Variants in SLC22A9 observed in about 807,000 individuals in gnomAD.
The protein encoded by SLC22A9 is solute carrier family 22 member 9.
In SLC22A9, 64 loss-of-function variants were observed where a neutral mutation model predicts 50.1. The ratio of observed to expected loss-of-function variants is 1.28; its 90% CI spans 1.04 to 1.57. The LOEUF is 1.57. SLC22A9 is among the 40% of genes most tolerant of loss of function. SLC22A9 has a pLI of 0.00. For missense variants in SLC22A9, 757 were observed against 676.1 expected, an observed-to-expected ratio of 1.12 and a Z score of -1.33; for synonymous variants, 261 against 242.5, an observed-to-expected ratio of 1.08 and a Z score of -0.71.
At position 63,395,605 on chromosome 11, in the gene SLC22A9, G is replaced by T. The variant is rs142727358; in HGVS notation, c.1074-10892G>T. Among the ~76,000 whole-genome samples, 11 of 152,292 alleles carry T rather than the reference G, an allele frequency of 7.2e-5. No homozygotes were observed. In the East Asian group the frequency reaches 1.3e-3, roughly 19 times the overall value. ...CTCTCGGCCATGGATACCAGCACCT[G>T]TTCTGGTGGAGGTGGCTAGTGGGTG... is the stretch of plus-strand genomic sequence containing the variant. On this transcript the variant is annotated intron_variant, in intron 6 of 9. Coordinates refer to ENST00000279178, the MANE Select transcript of SLC22A9 (RefSeq NM_080866.3).
At chr11:63,370,484 G>T in intron 1 of SLC22A9, 26 bp downstream of exon 1, 1 of 1,541,008 alleles carries the variant, frequency 6.5e-7, no homozygotes, top group East Asian at 2.3e-5. Flanking sequence ...CTCGTCTCAT[G>T]AGTATGTGAC....
Position 63,408,182 on chromosome 11 carries a change from T to C in SLC22A9, c.1359T>C (p.Ala453=), listed in dbSNP as rs748459865. 2 of 1,613,728 alleles carry C rather than the reference T, an allele frequency of 1.2e-6. No homozygotes were observed. The highest frequency in any genetic ancestry group is 3.3e-5 in the Admixed American group (2 of 59,934). Reference sequence around the variant, plus strand: ...CGTCTGCTCTTGCCAATACCCTTGCTTTTGCCCATGGAAATGAAGTAATTC... The same window carrying C: ...CGTCTGCTCTTGCCAATACCCTTGCCTTTGCCCATGGAAATGAAGTAATTC... ...LGASALANTL[A]FAHGNEVIPT... is the part of the protein sequence containing the mutation. The change falls in exon 8 of 10, where the codon GCT becomes GCC. Residue 453 remains alanine (A), a synonymous_variant. Coordinates refer to ENST00000279178, the MANE Select transcript of SLC22A9 (RefSeq NM_080866.3).
chr11:63,371,156 C>T lies in SLC22A9; in HGVS notation c.424C>T (p.Gln142Ter). The T allele has an allele frequency of 6.2e-7, 1 of 1,613,188 alleles. No individual in the cohort carries two copies. Among genetic ancestry groups the T allele is most frequent in the Non-Finnish European group, 8.5e-7 (1 of 1,179,398 alleles). ...VTEWDLVCDS[Q>*]SLTSVAKFVF... ...CCAGTGGGATCTGGTATGTGACTCT[C>T]AATCACTGACTTCAGTGGCTAAATT... is the stretch of plus-strand genomic sequence containing the variant. The change falls in exon 2 of 10, where the codon CAA (glutamine) becomes TAA (stop). Residue 142 changes from glutamine (Q) to a stop codon, truncating the protein, a stop_gained. Coordinates refer to ENST00000279178, the MANE Select transcript of SLC22A9 (RefSeq NM_080866.3). LOFTEE classifies it high-confidence loss of function.
Position 63,370,296 on chromosome 11 carries a change from C to A in SLC22A9, c.240C>A (p.Asp80Glu), listed in dbSNP as rs1425409892. 1 of 1,613,916 alleles carries A rather than the reference C, an allele frequency of 6.2e-7. No individual in the cohort carries two copies. The highest frequency in any genetic ancestry group is 1.3e-5 in the African/African-American group (1 of 74,914). Residue 80 changes from aspartate (D) to glutamate (E), a missense_variant, in exon 1 of 10, where the codon GAC (aspartate) becomes GAA (glutamate). Transcript: ENST00000279178. ...DALLRISIPLDSNMRPEKCRR... is the reference protein window; with the variant it reads ...DALLRISIPLESNMRPEKCRR... ...TCTTGAGAATCTCCATCCCACTGGA[C>A]TCAAACATGAGGCCAGAGAAGTGTC...
At chr11:63,399,494 A>G (rs1348607628) in intron 6 of SLC22A9, among the ~76,000 whole-genome samples, 2 of 152,210 alleles carry the variant, frequency 1.3e-5, no homozygotes, top group African/African-American at 4.8e-5. Context: ...AATCAGTAAG[A>G]AGATATAAAA....
At chr11:63,387,321 T>C (rs2014686766) in intron 6 of SLC22A9, among the ~76,000 whole-genome samples, 1 of 152,106 alleles carries the variant, frequency 6.6e-6, no homozygotes, top group Admixed American at 6.6e-5. Context: ...TTTTTGTATA[T>C]GGTAAGAGAT....
At chr11:63,394,834 AT>A (rs2014824248) in intron 6 of SLC22A9, among the ~76,000 whole-genome samples, 1 of 151,948 alleles carries the variant, frequency 6.6e-6, no homozygotes, top group African/African-American at 2.4e-5. Context: ...AAACTTTTAG[AT>A]TTCTCTTCTT....
chr11:63,396,333 C>T (rs1357215362), intron 6 of SLC22A9, among the ~76,000 whole-genome samples: 5 of 152,194 alleles, frequency 3.3e-5, no homozygotes, highest in Non-Finnish European at 5.9e-5. Context: ...GCAGGAATGG[C>T]TGGCATGGGG....
intron 6 of SLC22A9, among the ~76,000 whole-genome samples, chr11:63,391,618 G>A (rs507893): frequency 0.073 from 11,027 of 151,828 alleles, 1,352 homozygotes; most frequent in African/African-American, 0.25. Flanking sequence ...TCTGATGAGT[G>A]TATCTACTCC....
At chr11:63,408,570 C>T (rs1263184172) in intron 8 of SLC22A9, 106 bp from the exon 9 acceptor site, 1 of 1,001,040 alleles carries the variant, frequency 1.0e-6, no homozygotes, top group South Asian at 1.6e-5. Flanking sequence ...ATTTCATCAC[C>T]TCTGTGTGTC....
chr11:63,401,957 GT>G (rs2014958876), intron 6 of SLC22A9, among the ~76,000 whole-genome samples: 1 of 151,946 alleles, frequency 6.6e-6, no homozygotes, highest in Non-Finnish European at 1.5e-5. Context: ...GGGTTTGTTT[GT>G]TTGTTTGTTT....
chr11:63,385,091 C>G (rs1297563160), intron 6 of SLC22A9, among the ~76,000 whole-genome samples: 2 of 135,870 alleles, frequency 1.5e-5, no homozygotes, highest in African/African-American at 5.4e-5. Flanking sequence ...CTTGCCTGTT[C>G]ACTCTGATGA....
At chr11:63,389,873 T>C (rs556044255) in intron 6 of SLC22A9, among the ~76,000 whole-genome samples, 2 of 152,370 alleles carry the variant, frequency 1.3e-5, no homozygotes, top group South Asian at 2.1e-4. Flanking sequence ...TGATCACCAT[T>C]CTAACTGGCA....
intron 6 of SLC22A9, among the ~76,000 whole-genome samples, chr11:63,401,917 G>C (rs2014958081): frequency 6.6e-6 from 1 of 152,068 alleles, no homozygotes; most frequent in African/African-American, 2.4e-5. Flanking sequence ...CTGGAGAACT[G>C]TCAGTTCATG....
At chr11:63,386,952 C>T (rs978197085) in intron 6 of SLC22A9, among the ~76,000 whole-genome samples, 28 of 151,732 alleles carry the variant, frequency 1.8e-4, no homozygotes, top group African/African-American at 2.9e-4. Flanking sequence ...GGTTTGTTTG[C>T]TCTTGGTTCT....
intron 6 of SLC22A9, among the ~76,000 whole-genome samples, chr11:63,403,105 A>G (rs922225689): frequency 6.6e-6 from 1 of 152,166 alleles, no homozygotes; most frequent in Non-Finnish European, 1.5e-5. Context: ...AAGTGAAATT[A>G]ATATAGTCAG....
In SLC22A9 at chr11:63,409,879, A is replaced by G; in HGVS notation, c.*17A>G. The G allele has an allele frequency of 1.2e-6, 2 of 1,613,224 alleles. No individual in the cohort carries two copies. Among genetic ancestry groups the G allele is most frequent in the African/African-American group, 1.3e-5 (1 of 74,972 alleles). On this transcript the variant is annotated 3_prime_UTR_variant, in exon 10 of 10. Transcript: ENST00000279178. ...CAGTTTTAAGGAATTCCAGGAGCTG[A>G]CTGCCGATCAATGAGCCAGATGAAG...
intron 6 of SLC22A9, among the ~76,000 whole-genome samples, chr11:63,390,542 C>G (rs560659543): frequency 2.5e-4 from 38 of 152,074 alleles, no homozygotes; most frequent in Non-Finnish European, 4.0e-4. Context: ...TATATATCTG[C>G]TTTGGTACCA....
chr11:63,389,400 C>T (rs758926977), intron 6 of SLC22A9, among the ~76,000 whole-genome samples: 4 of 145,402 alleles, frequency 2.8e-5, no homozygotes, highest in Admixed American at 2.2e-4. Flanking sequence ...TCTCATTGTT[C>T]AACTCCCGCT....
Sources: gnomAD v4.1 joint callset for allele counts (sites outside exome capture counted in the v4.1 genomes callset) on GRCh38, gnomAD v4.1.1 for gene constraint, MANE v1.5 for transcripts, NCBI Gene and HGNC (gene_info 2026-07-23, HGNC 2026-07-21) for gene names.